CATSPERB: variants seen among roughly 807,000 people sequenced by gnomAD.
CATSPERB encodes cation channel sperm-associated auxiliary subunit beta.
In CATSPERB, 93 loss-of-function variants were observed where a neutral mutation model predicts 128.3. That is an observed-to-expected ratio of 0.72 (90% CI 0.61 to 0.86). The LOEUF is 0.86. Ranked by LOEUF, CATSPERB falls within the 40% of genes least tolerant of loss-of-function variation. The pLI is 0.00. For missense variants in CATSPERB, 1,153 were observed against 1,329.5 expected (o/e 0.87, Z 2.06); for synonymous variants, 381 against 448.8 (o/e 0.85, Z 1.91).
At chr14:91,649,423 C>T (rs1438449224) in intron 15 of CATSPERB, among the ~76,000 whole-genome samples, 2 of 151,904 alleles carry the variant, frequency 1.3e-5, no homozygotes, top group African/African-American at 2.4e-5. Flanking sequence ...CCGCCTTGGC[C>T]TCCCAAAGTT....
intron 26 of CATSPERB, among the ~76,000 whole-genome samples, chr14:91,585,007 CTTTTT>C (rs1297468973): frequency 1.3e-5 from 2 of 151,284 alleles, no homozygotes; most frequent in East Asian, 1.9e-4. Flanking sequence ...TCTTCTTCTT[CTTTTT>C]ATTTTTATTT....
At chr14:91,701,181 C>T (rs11621609) in intron 7 of CATSPERB, among the ~76,000 whole-genome samples, 17,928 of 151,872 alleles carry the variant, frequency 0.12, 1,365 homozygotes, top group African/African-American at 0.21. Flanking sequence ...TGAATGTGAG[C>T]GGTGAGGAGG....
At chr14:91,594,916 A>G (rs1251423256) in intron 22 of CATSPERB, among the ~76,000 whole-genome samples, 1 of 152,206 alleles carries the variant, frequency 6.6e-6, no homozygotes, top group Non-Finnish European at 1.5e-5. Context: ...GTTTTAAGAA[A>G]GCACAGCTTA....
rs1313641994 is a variant in CATSPERB at position 91,612,212 on chromosome 14, A to AC, written c.2401-1536dup. Among the ~76,000 whole-genome samples, 3 of 152,234 alleles carry AC rather than the reference A, an allele frequency of 2.0e-5. 1 individual carries two copies. Among genetic ancestry groups the AC allele is most frequent in the South Asian group, 4.1e-4 (2 of 4,826 alleles). On this transcript the variant is annotated intron_variant, in intron 20 of 26. Coordinates refer to ENST00000256343, the MANE Select transcript of CATSPERB (RefSeq NM_024764.4). ...GTAGCTAGGACTATAGATGTGTGCC[A>AC]CCACACCTAGCTTTTGAAATCTGAA...
At position 91,669,900 on chromosome 14, in the gene CATSPERB, T is replaced by C. The variant is rs941844497; in HGVS notation, c.1201A>G (p.Ile401Val). Residue 401 changes from isoleucine (I) to valine (V), a missense_variant, in exon 14 of 27, where the codon ATT becomes GTT. Ile to Val is a conservative substitution (Grantham distance 29). Coordinates refer to ENST00000256343, the MANE Select transcript of CATSPERB (RefSeq NM_024764.4). Reference sequence around the variant, plus strand: ...GAGAATGATGAAGGAAACCGAAAAATTGGAAATTTTGATTGTGAATTTGGT... The same window carrying C: ...GAGAATGATGAAGGAAACCGAAAAACTGGAAATTTTGATTGTGAATTTGGT... ...NEPNSQSKFP[I>V]FRFPSSFSSP... is the part of the protein sequence containing the mutation. 1 of 1,613,408 alleles carries C rather than the reference T, an allele frequency of 6.2e-7. No individual in the cohort carries two copies. Among genetic ancestry groups the C allele is most frequent in the Non-Finnish European group, 8.5e-7 (1 of 1,179,786 alleles).
At chr14:91,670,331 T>A (rs1245065890) in intron 13 of CATSPERB, among the ~76,000 whole-genome samples, 2 of 152,174 alleles carry the variant, frequency 1.3e-5, no homozygotes, top group African/African-American at 4.8e-5. Flanking sequence ...CCAGTTCTAT[T>A]CAACCATTAT....
chr14:91,628,436 A>G (rs1381684160), intron 17 of CATSPERB, among the ~76,000 whole-genome samples: 1 of 152,222 alleles, frequency 6.6e-6, no homozygotes. Flanking sequence ...TCTACATCAT[A>G]TACTGATATG....
intron 10 of CATSPERB, among the ~76,000 whole-genome samples, chr14:91,688,080 C>A (rs1409265641): frequency 6.6e-6 from 1 of 152,128 alleles, no homozygotes; most frequent in Non-Finnish European, 1.5e-5. Flanking sequence ...GTCCTCTCCT[C>A]ATTTTCTTCC....
Position 91,594,052 on chromosome 14 carries a change from C to T in CATSPERB, c.2710-2050G>A, listed in dbSNP as rs556553824. Among the ~76,000 whole-genome samples the T allele has an allele frequency of 7.9e-5, 12 of 152,188 alleles. No homozygotes were observed. In the South Asian group the frequency reaches 2.1e-3, roughly 26 times the overall value. Reference sequence around the variant, plus strand: ...TAAGAAGTGCCTTTTGCATTATTCACAATAGCAAAGGCTTGGAACCAACCT... The same window carrying T: ...TAAGAAGTGCCTTTTGCATTATTCATAATAGCAAAGGCTTGGAACCAACCT... On this transcript the variant is annotated intron_variant, in intron 22 of 26. Coordinates refer to ENST00000256343, the MANE Select transcript of CATSPERB (RefSeq NM_024764.4).
At chr14:91,605,317 C>A in intron 22 of CATSPERB, 1 of 791,810 alleles carries the variant, frequency 1.3e-6, no homozygotes. Context: ...GAGCCACACT[C>A]ATGTTATTAT....
chr14:91,632,895 C>T (rs1275505925), intron 17 of CATSPERB, among the ~76,000 whole-genome samples: 2 of 152,036 alleles, frequency 1.3e-5, no homozygotes, highest in South Asian at 2.1e-4. Flanking sequence ...AGATAAAACT[C>T]CCATGTGGAA....
intron 5 of CATSPERB, among the ~76,000 whole-genome samples, chr14:91,711,045 G>C (rs1226569534): frequency 6.6e-6 from 1 of 152,070 alleles, no homozygotes; most frequent in Non-Finnish European, 1.5e-5. Context: ...CTGATTAGGG[G>C]CTCAGCGTAT....
In CATSPERB at chr14:91,723,136, T is replaced by C. The variant is rs1266415937; in HGVS notation, c.222A>G (p.Leu74=). ...CAAGTCCTCCTGATGTGAACACACT[T>C]AGCATTGCTTTTGATGCAATTTCAT... is the stretch of plus-strand genomic sequence containing the variant. The part of the protein sequence containing the change: ...TENEIASKAM[L]SVFTSGGLAP... The change falls in exon 4 of 27, where the codon CTA becomes CTG. Residue 74 remains leucine (L), a synonymous_variant. Transcript: ENST00000256343. The C allele has an allele frequency of 2.6e-6, 4 of 1,542,136 alleles. No homozygotes were observed. The highest frequency in any genetic ancestry group is 3.5e-6 in the Non-Finnish European group (4 of 1,143,926).
intron 14 of CATSPERB, among the ~76,000 whole-genome samples, chr14:91,662,552 T>C (rs1205523804): frequency 6.6e-6 from 1 of 152,238 alleles, no homozygotes; most frequent in Non-Finnish European, 1.5e-5. Context: ...TGTGTTTCCC[T>C]TGCTGAAAAG....
chr14:91,696,277 G>A (rs1282993524), intron 7 of CATSPERB, among the ~76,000 whole-genome samples: 1 of 152,180 alleles, frequency 6.6e-6, no homozygotes, highest in Non-Finnish European at 1.5e-5. Flanking sequence ...CACCAAAAAG[G>A]AGCCCTCCTA....
At chr14:91,710,220 T>A (rs1234132885) in intron 5 of CATSPERB, 5 of 152,242 alleles carry the variant, frequency 3.3e-5, no homozygotes, top group Non-Finnish European at 4.4e-5. Flanking sequence ...ACTTGGCTGT[T>A]AAAACCTTTG....
intron 26 of CATSPERB, 149 bp downstream of exon 26, chr14:91,587,053 G>T: frequency 5.0e-6 from 3 of 597,740 alleles, no homozygotes; most frequent in Non-Finnish European, 8.7e-6. Flanking sequence ...TACTGACAGG[G>T]TCAATGCTAC....
intron 15 of CATSPERB, among the ~76,000 whole-genome samples, chr14:91,648,764 AT>A (rs1237911152): frequency 1.3e-5 from 2 of 151,946 alleles, no homozygotes; most frequent in African/African-American, 2.4e-5. Context: ...CTTTATTTAT[AT>A]TTTTTTCTCT....
At position 91,693,139 on chromosome 14, in the gene CATSPERB, C is replaced by T. The variant is rs1184548306; in HGVS notation, c.818G>A (p.Arg273His). The part of the protein sequence containing the change: ...FVSEDLRYPS[R>H]HSLSFSRADF... ...CAATTTACATACCGATAAGCTGTGG[C>T]GTGATGGATAACGAAGATCTTCACT... The change falls in exon 9 of 27, where the codon CGC (arginine) becomes CAC (histidine). Residue 273 changes from arginine (R) to histidine (H), a missense_variant. Transcript: ENST00000256343. 6.8e-6 allele frequency: 11 copies of T among 1,608,734 alleles called. No homozygotes were observed. In the East Asian group the frequency reaches 8.9e-5, roughly 13 times the overall value.
Sources: allele counts gnomAD v4.1 joint callset (sites outside exome capture counted in the v4.1 genomes callset), GRCh38; gene constraint gnomAD v4.1.1; transcripts MANE v1.5; gene names NCBI Gene and HGNC (gene_info 2026-07-23, HGNC 2026-07-21).